Variants in CD8B observed in about 807,000 individuals in gnomAD.
CD8B encodes T-cell surface glycoprotein CD8 beta chain.
A neutral mutation model predicts 24.2 loss-of-function variants in CD8B; 6 were observed. That is an observed-to-expected ratio of 0.25 (90% CI 0.14 to 0.49). CD8B has a LOEUF of 0.49. Among genes scored for constraint, CD8B ranks in the 20% least tolerant of loss-of-function variants. CD8B has a pLI of 0.98. For synonymous variants in CD8B, 84 were observed against 108.3 expected (o/e 0.78, Z 1.39); for missense variants, 196 against 271.3 (o/e 0.72, Z 1.95).
chr2:86,840,822 C>G lies in CD8B; in HGVS notation c.*1485G>C, dbSNP rs371242302. Among the ~76,000 whole-genome samples, 48 of 152,310 alleles carry G rather than the reference C, an allele frequency of 3.2e-4. No individual in the cohort carries two copies. The highest frequency in any genetic ancestry group is 6.8e-3 in the Middle Eastern group (2 of 294). On this transcript the variant is annotated 3_prime_UTR_variant, in exon 6 of 6. Coordinates refer to ENST00000390655, the MANE Select transcript of CD8B (RefSeq NM_004931.5). The stretch of plus-strand genomic sequence containing the variant: ...GCCTTTCTAACTCCACCCACCACAC[C>G]TCATTCTGCTGCGGCCGCACCCCAG...
intron 2 of CD8B, among the ~76,000 whole-genome samples, chr2:86,857,089 C>A (rs1438590824): frequency 6.6e-6 from 1 of 151,906 alleles, no homozygotes; most frequent in Non-Finnish European, 1.5e-5. Context: ...GTCATGGAGG[C>A]CATCAGCACC....
chr2:86,852,614 T>A (rs1676030803), intron 3 of CD8B, among the ~76,000 whole-genome samples: 1 of 152,040 alleles, frequency 6.6e-6, no homozygotes, highest in Non-Finnish European at 1.5e-5. Flanking sequence ...CTGGCTCCTT[T>A]CATTTTATTC....
chr2:86,815,670 A>G, exon 6 of CD8B: 2 of 1,613,768 alleles, frequency 1.2e-6, no homozygotes, highest in Non-Finnish European at 1.7e-6. Context: ...TGTAGTATCC[A>G]TGCAGGCATT....
At chr2:86,846,625 C>G (rs1026321634) in intron 4 of CD8B, 59 bp downstream of exon 4, 1 of 777,830 alleles carries the variant, frequency 1.3e-6, no homozygotes, top group South Asian at 1.7e-5. Flanking sequence ...AGAAAATATC[C>G]CAGGGACACT....
At chr2:86,815,566 A>G (rs753025415) in exon 6 of CD8B, 36 of 1,190,484 alleles carry the variant, frequency 3.0e-5, no homozygotes, top group Non-Finnish European at 4.3e-5. Flanking sequence ...GAATCTGGTA[A>G]AAGTAGTAAA....
intron 3 of CD8B, among the ~76,000 whole-genome samples, chr2:86,852,460 C>T (rs1206000612): frequency 1.3e-5 from 2 of 151,724 alleles, no homozygotes; most frequent in African/African-American, 4.8e-5. Flanking sequence ...TAAAAAGAAA[C>T]CTTATACCCA....
chr2:86,853,617 A>G (rs1428241744), intron 2 of CD8B, among the ~76,000 whole-genome samples: 1 of 152,206 alleles, frequency 6.6e-6, no homozygotes, highest in Non-Finnish European at 1.5e-5. Flanking sequence ...GATGGGGTTC[A>G]GCTTGGTGTC....
At chr2:86,834,086 A>G (rs551800616), downstream of CD8B, among the ~76,000 whole-genome samples, 1 of 152,348 alleles carries the variant, frequency 6.6e-6, no homozygotes, top group African/African-American at 2.4e-5. Context: ...CAATATGGAT[A>G]GAATCATCTT....
intron 5 of CD8B, among the ~76,000 whole-genome samples, chr2:86,820,941 C>T (rs181862473): frequency 6.6e-6 from 1 of 152,178 alleles, no homozygotes; most frequent in Non-Finnish European, 1.5e-5. Flanking sequence ...GTTTTATATT[C>T]AAGGTTCAGA....
intron 5 of CD8B, 51 bp downstream of exon 5, chr2:86,844,871 G>C: frequency 6.4e-7 from 1 of 1,555,482 alleles, no homozygotes; most frequent in Non-Finnish European, 8.7e-7. Context: ...GAGGCTGCAA[G>C]CTGCAGCAGG....
chr2:86,821,286 G>C (rs7565863), intron 5 of CD8B, among the ~76,000 whole-genome samples: 150,679 of 152,176 alleles, frequency 0.99, 74,608 homozygotes, highest in East Asian at 1. Flanking sequence ...GGGGTGAATC[G>C]AAGCTTTCGG....
intron 5 of CD8B, chr2:86,843,734 G>A (rs1462675240): frequency 8.3e-6 from 8 of 967,094 alleles, no homozygotes; most frequent in African/African-American, 1.8e-5. Flanking sequence ...GGGTCCTGGG[G>A]CCACATGCTT....
intron 5 of CD8B, among the ~76,000 whole-genome samples, chr2:86,830,046 T>C (rs1160117882): frequency 1.3e-5 from 2 of 152,160 alleles, no homozygotes; most frequent in Non-Finnish European, 2.9e-5. Flanking sequence ...ATTTCACTGG[T>C]AGATATGTAG....
chr2:86,846,288 T>C (rs570920228), intron 4 of CD8B, among the ~76,000 whole-genome samples: 1 of 152,300 alleles, frequency 6.6e-6, no homozygotes, highest in South Asian at 2.1e-4. Context: ...TTCTGGACAC[T>C]GGGCTTTGGT....
chr2:86,849,251 G>C (rs541536352), intron 3 of CD8B, among the ~76,000 whole-genome samples: 7 of 152,262 alleles, frequency 4.6e-5, no homozygotes, highest in Admixed American at 2.0e-4. Context: ...TGTCACTAGA[G>C]GGGAACAAGC....
rs577725522 is a variant in CD8B, at chr2:86,857,612, C to T, written c.403+445G>A. Among the ~76,000 whole-genome samples the T allele has an allele frequency of 4.2e-3, 638 of 152,132 alleles. 2 individuals carry two copies. The highest frequency in any genetic ancestry group is 7.6e-3 in the Non-Finnish European group (516 of 68,002). On this transcript the variant is annotated intron_variant, in intron 2 of 5. Transcript: ENST00000390655. ...GCTCATGCCTGTAATCCCAGCTACT[C>T]GGGAAGCTGAGGCAGGAGAATCACT... is the stretch of plus-strand genomic sequence containing the variant.
intron 2 of CD8B, among the ~76,000 whole-genome samples, chr2:86,853,340 G>A (rs1676069315): frequency 6.6e-6 from 1 of 151,992 alleles, no homozygotes; most frequent in African/African-American, 2.4e-5. Context: ...TACCCAGGAG[G>A]CTGAGGTGAG....
chr2:86,828,645 G>T (rs1320931851), intron 5 of CD8B, among the ~76,000 whole-genome samples: 1 of 152,036 alleles, frequency 6.6e-6, no homozygotes, highest in Non-Finnish European at 1.5e-5. Context: ...TTTTAAATAG[G>T]TACAGCCTAA....
intron 2 of CD8B, among the ~76,000 whole-genome samples, chr2:86,854,755 G>A (rs1676148561): frequency 6.6e-6 from 1 of 151,982 alleles, no homozygotes; most frequent in Non-Finnish European, 1.5e-5. Context: ...AAAATGGTAG[G>A]AGAGGGAGTA....
Sources: allele counts gnomAD v4.1 joint callset (sites outside exome capture counted in the v4.1 genomes callset), GRCh38; gene constraint gnomAD v4.1.1; transcripts MANE v1.5; gene names NCBI Gene and HGNC (gene_info 2026-07-23, HGNC 2026-07-21).